Variants in SLC35F3 observed in about 807,000 individuals in gnomAD.
SLC35F3 encodes putative thiamine transporter SLC35F3.
Under a neutral mutation model 49.9 loss-of-function variants are expected in SLC35F3, and 25 were observed. The ratio of observed to expected loss-of-function variants is 0.50; its 90% CI spans 0.37 to 0.70. The LOEUF (loss-of-function observed/expected upper bound fraction) is 0.70. SLC35F3 is among the 30% of genes least tolerant of loss of function. The pLI, the probability that SLC35F3 is intolerant of heterozygous loss-of-function variation, is 0.00. For synonymous variants in SLC35F3, 275 were observed against 265.4 expected, an observed-to-expected ratio of 1.04 and a Z score of -0.35; for missense variants, 525 against 639.8, an observed-to-expected ratio of 0.82 and a Z score of 1.94.
At chr1:234,003,182 TA>T (rs1357749243) in intron 2 of SLC35F3, among the ~76,000 whole-genome samples, 1 of 148,338 alleles carries the variant, frequency 6.7e-6, no homozygotes, top group African/African-American at 2.4e-5. Flanking sequence ...TTCCCATTGG[TA>T]ACAATGTTTT....
intron 3 of SLC35F3, chr1:234,261,864 G>C (rs1032515732): frequency 5.3e-5 from 8 of 152,192 alleles, no homozygotes; most frequent in Admixed American, 4.6e-4. Flanking sequence ...GATAAGGTGA[G>C]TGAGAAAAAT....
intron 2 of SLC35F3, among the ~76,000 whole-genome samples, chr1:233,948,913 A>G (rs2102803749): frequency 6.6e-6 from 1 of 152,268 alleles, no homozygotes; most frequent in East Asian, 1.9e-4. Context: ...GCATTTTCTA[A>G]GCTGGGAGGC....
At chr1:234,050,198 T>C (rs866121092) in intron 2 of SLC35F3, among the ~76,000 whole-genome samples, 25 of 152,218 alleles carry the variant, frequency 1.6e-4, no homozygotes, top group Admixed American at 1.5e-3. Flanking sequence ...TTCTAGATCC[T>C]TGAGGAATCG....
chr1:234,130,329 C>T (rs1665714827), intron 2 of SLC35F3, among the ~76,000 whole-genome samples: 1 of 152,158 alleles, frequency 6.6e-6, no homozygotes, highest in African/African-American at 2.4e-5. Flanking sequence ...TACACACCCA[C>T]ACAGTAATTT....
rs929069666 is a variant in SLC35F3 at position 234,323,338 on chromosome 1, T to A, written c.*95T>A. The A allele has an allele frequency of 9.1e-7, 1 of 1,098,434 alleles. No individual in the cohort carries two copies. Among genetic ancestry groups the A allele is most frequent in the African/African-American group, 1.6e-5 (1 of 63,250 alleles). The allele number at this position is 1,098,434 out of a possible 1,614,324, so 68.0% of individuals were successfully genotyped here. Reference sequence around the variant, plus strand: ...TAAGGTGTACATACCTGTACAGTTTTGGTCATCTGCGGTAAGTTCTATGGT... The same window carrying A: ...TAAGGTGTACATACCTGTACAGTTTAGGTCATCTGCGGTAAGTTCTATGGT... On this transcript the variant is annotated 3_prime_UTR_variant, in exon 8 of 8. Transcript: ENST00000366618. This position sits in a 1 kb window ranked among gnomAD's most constrained non-coding sequence, Gnocchi z 4.5.
intron 2 of SLC35F3, among the ~76,000 whole-genome samples, chr1:234,094,004 GAC>G (rs1328848740): frequency 5.3e-5 from 8 of 152,226 alleles, no homozygotes; most frequent in Admixed American, 2.6e-4. Flanking sequence ...AGACCGCCCA[GAC>G]GGCCAGGAAG....
intron 2 of SLC35F3, among the ~76,000 whole-genome samples, chr1:234,084,457 G>A (rs771229813): frequency 3.9e-5 from 6 of 152,138 alleles, no homozygotes; most frequent in Non-Finnish European, 7.3e-5. Flanking sequence ...TGTTTTCCAA[G>A]CTCAGAACCA....
At position 234,121,719 on chromosome 1, in the gene SLC35F3, C is replaced by T. The variant is rs547846466; in HGVS notation, c.284-109698C>T. On this transcript the variant is annotated intron_variant, in intron 2 of 7. Transcript: ENST00000366618. Reference sequence around the variant, plus strand: ...CTAATGCTATCCCTCCACCATCCTCCCACCCCCTGACAGGCCCCGGTGTGT... The same window carrying T: ...CTAATGCTATCCCTCCACCATCCTCTCACCCCCTGACAGGCCCCGGTGTGT... 7.9e-5 allele frequency among the ~76,000 whole-genome samples: 12 copies of T among 152,254 alleles called. No individual in the cohort carries two copies. In the South Asian group the frequency reaches 2.3e-3, roughly 29 times the overall value.
chr1:234,322,667 G>A (rs1047261186), intron 7 of SLC35F3, among the ~76,000 whole-genome samples: 7 of 151,886 alleles, frequency 4.6e-5, no homozygotes, highest in African/African-American at 7.3e-5. Flanking sequence ...GTGTGTGTGT[G>A]TGTGTGTGTG....
chr1:234,230,899 G>A (rs570389502), intron 2 of SLC35F3, among the ~76,000 whole-genome samples: 12 of 152,316 alleles, frequency 7.9e-5, no homozygotes, highest in African/African-American at 2.9e-4. Flanking sequence ...TAAGTAACAG[G>A]CCACTTCTGT....
intron 2 of SLC35F3, among the ~76,000 whole-genome samples, chr1:234,109,920 G>A (rs1193527018): frequency 2.0e-5 from 3 of 152,178 alleles, no homozygotes; most frequent in African/African-American, 7.2e-5. Flanking sequence ...ATGGCCAGGG[G>A]CACAGCTGCC....
intron 3 of SLC35F3, among the ~76,000 whole-genome samples, chr1:234,300,216 G>C (rs953111609): frequency 6.6e-6 from 1 of 152,142 alleles, no homozygotes; most frequent in Non-Finnish European, 1.5e-5. Flanking sequence ...TGCTACTGGG[G>C]GAAAACTAGT....
intron 2 of SLC35F3, among the ~76,000 whole-genome samples, chr1:233,914,564 C>T (rs1022906283): frequency 6.6e-6 from 1 of 152,090 alleles, no homozygotes; most frequent in African/African-American, 2.4e-5. Context: ...CATTCAAGCT[C>T]GTGCATGACA....
chr1:234,309,945 A>C (rs1388523999), intron 4 of SLC35F3, among the ~76,000 whole-genome samples: 2 of 152,192 alleles, frequency 1.3e-5, no homozygotes, highest in African/African-American at 2.4e-5. Context: ...TACAACCGAG[A>C]CCCAGTCAAT....
chr1:234,040,922 A>C (rs1664210412), intron 2 of SLC35F3, among the ~76,000 whole-genome samples: 1 of 152,216 alleles, frequency 6.6e-6, no homozygotes, highest in Non-Finnish European at 1.5e-5. Flanking sequence ...GCAGCTGCGA[A>C]CAGATGAGTA....
chr1:233,950,385 C>CAAAA (rs58271294), intron 2 of SLC35F3, among the ~76,000 whole-genome samples: 2,501 of 31,352 alleles, frequency 0.08, 269 homozygotes, highest in Non-Finnish European at 0.11. Context: ...GACTCTGTCT[C>CAAAA]AAAAAAAAAA....
chr1:234,085,253 T>C (rs1223020025), intron 2 of SLC35F3, among the ~76,000 whole-genome samples: 1 of 152,200 alleles, frequency 6.6e-6, no homozygotes, highest in Non-Finnish European at 1.5e-5. Context: ...CATGAATCTT[T>C]GGCAGAGGAA....
chr1:233,953,371 G>A (rs550793857), intron 2 of SLC35F3, among the ~76,000 whole-genome samples: 32 of 152,326 alleles, frequency 2.1e-4, no homozygotes, highest in African/African-American at 7.0e-4. Context: ...GGAATTCACT[G>A]AGGTTTGATA....
chr1:234,269,491 C>T (rs1221619376), intron 3 of SLC35F3, among the ~76,000 whole-genome samples: 3 of 147,698 alleles, frequency 2.0e-5, no homozygotes, highest in African/African-American at 7.4e-5. Flanking sequence ...CCCAGTGTGT[C>T]CCAGACCCCA....
Sources: gnomAD v4.1 joint callset for allele counts (sites outside exome capture counted in the v4.1 genomes callset) on GRCh38, gnomAD v4.1.1 for gene constraint, Gnocchi (gnomAD v3.1) non-coding constraint, MANE v1.5 for transcripts, NCBI Gene and HGNC (gene_info 2026-07-23, HGNC 2026-07-21) for gene names.